KRT86: variants seen among roughly 807,000 people sequenced by gnomAD.
KRT86 encodes keratin 86, also known as keratin, type II cuticular Hb6.
KRT86 carries 30 observed loss-of-function variants against 41.2 expected under a neutral mutation model. That is an observed-to-expected ratio of 0.73 (90% confidence interval 0.54 to 0.99). KRT86 has a LOEUF of 0.99. Ranked by LOEUF, KRT86 falls within the 50% of genes least tolerant of loss-of-function variation. The pLI is 0.00. For synonymous variants in KRT86, 238 were observed against 238.1 expected, an observed-to-expected ratio of 1.00 and a Z score of 0.00; for missense variants, 561 against 571.4, an observed-to-expected ratio of 0.98 and a Z score of 0.19.
intron 2 of KRT86, chr12:52,291,643 G>T: frequency 1.1e-6 from 1 of 882,084 alleles, no homozygotes; most frequent in Non-Finnish European, 1.7e-6. Context: ...GGTTAGCCGG[G>T]TCTAACGCCT....
intron 2 of KRT86, among the ~76,000 whole-genome samples, chr12:52,297,129 G>C (rs1041948029): frequency 6.6e-6 from 1 of 152,188 alleles, no homozygotes; most frequent in African/African-American, 2.4e-5. Context: ...CATCAACACT[G>C]TCCTGCCCGC....
intron 2 of KRT86, chr12:52,287,831 T>C (rs1938003136): frequency 6.2e-7 from 1 of 1,605,786 alleles, no homozygotes; most frequent in African/African-American, 1.3e-5. Context: ...CAGCCACACA[T>C]GGCAGTCCTG....
intron 2 of KRT86, chr12:52,288,435 G>T (rs111866984): frequency 1.9e-6 from 3 of 1,614,034 alleles, no homozygotes; most frequent in South Asian, 1.1e-5. Flanking sequence ...TCTGACTTGC[G>T]GAGGTAGGCG....
At chr12:52,283,177 C>G (rs1937816509) in intron 2 of KRT86, among the ~76,000 whole-genome samples, 1 of 151,896 alleles carries the variant, frequency 6.6e-6, no homozygotes, top group Non-Finnish European at 1.5e-5. Context: ...GGGTGGATCA[C>G]AAGGTCAGGA....
At chr12:52,302,436 A>C in intron 3 of KRT86, 151 bp downstream of exon 3, 1 of 354,538 alleles carries the variant, frequency 2.8e-6, no homozygotes. Flanking sequence ...ACAGACAGAC[A>C]CATGCACAGA....
At chr12:52,304,559 G>C (rs570359711) in intron 5 of KRT86, among the ~76,000 whole-genome samples, 6 of 152,030 alleles carry the variant, frequency 3.9e-5, no homozygotes, top group African/African-American at 1.4e-4. Context: ...AGGTTCTAAG[G>C]GGGGATGGAG....
intron 2 of KRT86, chr12:52,287,036 G>A: frequency 6.2e-7 from 1 of 1,611,936 alleles, no homozygotes; most frequent in Non-Finnish European, 8.5e-7. Context: ...GCTCAGCCAA[G>A]GCCAAGGGTA....
chr12:52,301,747 A>G, intron 2 of KRT86, 166 bp from the exon 3 acceptor site: 1 of 1,375,096 alleles, frequency 7.3e-7, no homozygotes, highest in East Asian at 2.4e-5. Flanking sequence ...CAGCTAAACA[A>G]CCCAAGCCCA....
rs1491045900 is a variant in KRT86, at chr12:52,308,214, TCG to T, written c.1248-17_1248-16del. 6 of 1,614,180 alleles carry T rather than the reference TCG, an allele frequency of 3.7e-6. No individual in the cohort carries two copies. In the Admixed American group the frequency reaches 1.0e-4, roughly 27 times the overall value. On this transcript the variant is annotated splice_polypyrimidine_tract_variant and intron_variant, in intron 9 of 10. Transcript: ENST00000423955. ...GCGCCTTTTCCGCGGCACTGACCTC[TCG>T]CCTTCTCTCCCTGCAGGCTGTGCGA...
In KRT86 at chr12:52,305,761, G is replaced by A. The variant is rs374471358; in HGVS notation, c.999G>A (p.Thr333=). 8.1e-5 allele frequency: 131 copies of A among 1,614,036 alleles called. No individual in the cohort carries two copies. The highest frequency in any genetic ancestry group is 4.7e-4 in the Admixed American group (28 of 60,026). ...NELNRMIQRL[T]AEVENAKCQN... ...TGAACCGCATGATCCAGAGGCTGAC[G>A]GCTGAGGTGGAGAATGCCAAGTGCC... Residue 333 remains threonine, a synonymous_variant, in exon 8 of 11, where the codon ACG becomes ACA. Coordinates refer to ENST00000423955, the MANE Select transcript of KRT86 (RefSeq NM_001320198.2).
intron 2 of KRT86, 40 bp from the exon 3 acceptor site, chr12:52,301,873 G>T: frequency 6.2e-7 from 1 of 1,613,580 alleles, no homozygotes; most frequent in Non-Finnish European, 8.5e-7. Flanking sequence ...TCTCCATTCG[G>T]ACGTCTCCAT....
rs771983295 is a variant in KRT86, at chr12:52,287,113, G to A, written c.-5+11167G>A. The A allele has an allele frequency of 4.3e-5, 69 of 1,612,866 alleles. 1 individual carries two copies. The highest frequency in any genetic ancestry group is 5.1e-5 in the Non-Finnish European group (60 of 1,179,916). On this transcript the variant is annotated intron_variant, in intron 2 of 10. Coordinates refer to ENST00000423955, the MANE Select transcript of KRT86 (RefSeq NM_001320198.2). Reference sequence around the variant, plus strand: ...TTGGTTGGACCCACCTCTGCTCCTCGCCCTCCAGCAGGCGCCTGTAGGTGG... The same window carrying A: ...TTGGTTGGACCCACCTCTGCTCCTCACCCTCCAGCAGGCGCCTGTAGGTGG...
intron 5 of KRT86, 105 bp from the exon 6 acceptor site, chr12:52,304,827 C>T (rs1013341859): frequency 7.9e-7 from 1 of 1,261,298 alleles, no homozygotes; most frequent in East Asian, 2.3e-5. Flanking sequence ...GAATGAGACA[C>T]TGGGGACTCC....
Position 52,279,828 on chromosome 12 carries a change from C to T in KRT86, c.-5+3882C>T, listed in dbSNP as rs116425546. ...TTCTGGGCAGCAGAGCTGAGAATTC[C>T]ATTCTCCATCCATCCATTCACTCTA... On this transcript the variant is annotated intron_variant, in intron 2 of 10. Coordinates refer to ENST00000423955, the MANE Select transcript of KRT86 (RefSeq NM_001320198.2). 6.0e-3 allele frequency among the ~76,000 whole-genome samples: 915 copies of T among 152,270 alleles called. 11 individuals are homozygous for T. The highest frequency in any genetic ancestry group is 0.021 in the African/African-American group (865 of 41,546).
chr12:52,280,596 A>G (rs2121201355), intron 2 of KRT86, among the ~76,000 whole-genome samples: 1 of 152,294 alleles, frequency 6.6e-6, no homozygotes, highest in South Asian at 2.1e-4. Context: ...GTGTAAACAG[A>G]AAAGTCTCAT....
Position 52,287,934 on chromosome 12 carries a change from A to G in KRT86, c.-5+11988A>G, listed in dbSNP as rs749287454. ...AGGAAGCCTATTTAATAGATATCTCACATCCCTCCCACTGACACGTCTAGC... is the reference window on the plus strand; with the variant it reads ...AGGAAGCCTATTTAATAGATATCTCGCATCCCTCCCACTGACACGTCTAGC... On this transcript the variant is annotated intron_variant, in intron 2 of 10. Transcript: ENST00000423955. 10 of 1,613,912 alleles carry G rather than the reference A, an allele frequency of 6.2e-6. No homozygotes were observed. In the Admixed American group the frequency reaches 1.7e-4, roughly 27 times the overall value.
intron 9 of KRT86, 151 bp from the exon 10 acceptor site, chr12:52,308,082 G>A (rs1163493022): frequency 1.1e-5 from 10 of 931,492 alleles, no homozygotes; most frequent in South Asian, 3.1e-5. Context: ...ACGGTGACCC[G>A]AGTCTACACT....
intron 2 of KRT86, among the ~76,000 whole-genome samples, chr12:52,298,276 C>T (rs535811021): frequency 1.6e-4 from 24 of 152,226 alleles, no homozygotes; most frequent in Non-Finnish European, 2.9e-4. Flanking sequence ...CATGGCCAAA[C>T]TTCTCAGATC....
Position 52,308,240 on chromosome 12 carries a change from G to A in KRT86, c.1255G>A (p.Glu419Lys). ...CGCCTTCTCTCCCTGCAGGCTGTGC[G>A]AGGGCGTCGGCTCGGTGAATGTCTG... ...LLEGEEQRLC[E>K]GVGSVNVCVS... The change falls in exon 10 of 11, where the codon GAG (glutamate) becomes AAG (lysine). Residue 419 changes from glutamate (E) to lysine (K), a missense_variant. Around this residue, in one of 3 missense-constraint regions of KRT86, gnomAD observed 397 missense variants for 375.9 expected, o/e 1.06. Coordinates refer to ENST00000423955, the MANE Select transcript of KRT86 (RefSeq NM_001320198.2). 6.2e-7 allele frequency: 1 copy of A among 1,614,224 alleles called. No individual in the cohort carries two copies. The highest frequency in any genetic ancestry group is 8.5e-7 in the Non-Finnish European group (1 of 1,180,050).
Sources: gnomAD v4.1 joint callset for allele counts (sites outside exome capture counted in the v4.1 genomes callset) on GRCh38, gnomAD v4.1.1 for gene constraint, gnomAD v4.1.1 regional missense constraint, MANE v1.5 for transcripts, NCBI Gene and HGNC (gene_info 2026-07-23, HGNC 2026-07-21) for gene names.